Variants in EVI5L observed in about 807,000 individuals in gnomAD.
EVI5L encodes EVI5-like protein.
EVI5L carries 30 observed loss-of-function variants against 106.1 expected under a neutral mutation model. The ratio of observed to expected loss-of-function variants is 0.28; its 90% CI spans 0.21 to 0.38. The LOEUF (loss-of-function observed/expected upper bound fraction) is 0.38. Among genes scored for constraint, EVI5L ranks in the 10% least tolerant of loss-of-function variants. EVI5L has a pLI of 1.00. For synonymous variants in EVI5L, 489 were observed against 483.3 expected (o/e 1.01, Z -0.15); for missense variants, 809 against 1,098.0 (o/e 0.74, Z 3.72).
intron 10 of EVI5L, 103 bp downstream of exon 10, chr19:7,853,436 A>C (rs1979361591): frequency 1.4e-6 from 2 of 1,470,176 alleles, no homozygotes; most frequent in East Asian, 2.5e-5. Context: ...TTCCCAGCGC[A>C]CAGGCGGACC....
At chr19:7,844,768 G>A (rs764203677) in intron 1 of EVI5L, among the ~76,000 whole-genome samples, 5 of 152,182 alleles carry the variant, frequency 3.3e-5, no homozygotes, top group East Asian at 3.8e-4. Context: ...CTCAGCACCC[G>A]GCAGACTAGG....
intron 1 of EVI5L, among the ~76,000 whole-genome samples, chr19:7,843,493 A>G (rs1172323880): frequency 1.8e-5 from 2 of 111,224 alleles, no homozygotes; most frequent in African/African-American, 3.6e-5. Flanking sequence ...TCAAGTGTGC[A>G]TGTGTATAGG....
chr19:7,862,992 T>C lies in EVI5L; in HGVS notation c.1968T>C (p.Ala656=). Reference sequence around the variant, plus strand: ...CCCAGAGCAAGGAGGAGGTGATGGCTGTGCGACTGCGGGAGGCGGACAGCA... The same window carrying C: ...CCCAGAGCAAGGAGGAGGTGATGGCCGTGCGACTGCGGGAGGCGGACAGCA... ...AECKSKEEVM[A]VRLREADSMA... is the part of the protein sequence containing the mutation. The change falls in exon 18 of 20, where the codon GCT becomes GCC. Residue 656 remains alanine (A), a synonymous_variant. Transcript: ENST00000538904. 1 of 1,575,340 alleles carries C rather than the reference T, an allele frequency of 6.3e-7. No individual in the cohort carries two copies. The highest frequency in any genetic ancestry group is 1.2e-5 in the South Asian group (1 of 86,752).
chr19:7,847,957 G>A (rs767451220), intron 3 of EVI5L, 36 bp downstream of exon 3: 631 of 1,513,646 alleles, frequency 4.2e-4, no homozygotes, highest in Non-Finnish European at 5.2e-4. Context: ...CTGGGCCGAC[G>A]GCGTGGGCAG....
Position 7,836,414 on chromosome 19 carries a change from C to T in EVI5L, c.-48+6033C>T, listed in dbSNP as rs116891492. On this transcript the variant is annotated intron_variant, in intron 1 of 19. Transcript: ENST00000538904. ...CTGTTTTCACTGAGTAACCCCTGCA[C>T]TTGGGGTTTCACATACGTGTATCAT... 3.5e-4 allele frequency among the ~76,000 whole-genome samples: 53 copies of T among 152,330 alleles called. 2 individuals are homozygous for T. The Middle Eastern group carries it at 0.034, about 98-fold the overall frequency.
At chr19:7,859,351 C>T (rs10402597) in intron 13 of EVI5L, among the ~76,000 whole-genome samples, 8,747 of 152,212 alleles carry the variant, frequency 0.057, 858 homozygotes, top group African/African-American at 0.2. Context: ...GCCATCCTGG[C>T]CTGACCCAGC....
In EVI5L at chr19:7,849,247, C is replaced by G. The variant is rs749473639; in HGVS notation, c.553-9C>G. The G allele has an allele frequency of 2.5e-6, 4 of 1,614,136 alleles. No homozygotes were observed. The highest frequency in any genetic ancestry group is 4.5e-5 in the East Asian group (2 of 44,886). On this transcript the variant is annotated splice_polypyrimidine_tract_variant and intron_variant, in intron 4 of 19. Coordinates refer to ENST00000538904, the MANE Select transcript of EVI5L (RefSeq NM_001159944.3). Reference sequence around the variant, plus strand: ...CGGGACCCTGCTCTCAGGACTTGTTCCCTTCTAGGCATACTCGCTGGTAGA... The same window carrying G: ...CGGGACCCTGCTCTCAGGACTTGTTGCCTTCTAGGCATACTCGCTGGTAGA...
At chr19:7,851,407 T>G (rs751743890) in intron 6 of EVI5L, 27 bp from the exon 7 acceptor site, 1 of 1,601,038 alleles carries the variant, frequency 6.2e-7, no homozygotes, top group South Asian at 1.1e-5. Flanking sequence ...CCCCTCACTG[T>G]GCCCACCCGG....
In EVI5L at chr19:7,863,078, G is replaced by A. The variant is rs893332717; in HGVS notation, c.2043+11G>A. Reference sequence around the variant, plus strand: ...GAGCTGGAGATCCAGGTGATCGGCGGGGCCGGGGTCGGGGGGCGGGGGCGG... The same window carrying A: ...GAGCTGGAGATCCAGGTGATCGGCGAGGCCGGGGTCGGGGGGCGGGGGCGG... On this transcript the variant is annotated intron_variant, in intron 18 of 19. Transcript: ENST00000538904. The surrounding 1 kb of genome is among the most constrained non-coding windows in gnomAD (Gnocchi z 7.7). 2.7e-6 allele frequency: 4 copies of A among 1,484,794 alleles called. No homozygotes were observed. Among genetic ancestry groups the A allele is most frequent in the Admixed American group, 4.0e-5 (2 of 49,860 alleles). 92.0% of individuals were successfully genotyped at this position (1,484,794 alleles called of 1,614,324 possible).
rs1367434747 is a variant in EVI5L at position 7,856,744 on chromosome 19, G to A, written c.1201-348G>A. On this transcript the variant is annotated intron_variant, in intron 11 of 19. Transcript: ENST00000538904. The surrounding 1 kb of genome is among the most constrained non-coding windows in gnomAD (Gnocchi z 6.6). ...CCACTCTCCAGGAGGTCCGCACGAA[G>A]CCAAAAGTCCCCCTGCCCCCCACAG... 2.0e-5 allele frequency among the ~76,000 whole-genome samples: 3 copies of A among 152,072 alleles called. No homozygotes were observed. Among genetic ancestry groups the A allele is most frequent in the Admixed American group, 6.5e-5 (1 of 15,268 alleles).
chr19:7,830,800 C>T (rs1978290847), intron 1 of EVI5L, among the ~76,000 whole-genome samples: 1 of 141,002 alleles, frequency 7.1e-6, no homozygotes, highest in Non-Finnish European at 1.5e-5. Flanking sequence ...TCTCTCAGGA[C>T]CCCTCCCTTC....
intron 17 of EVI5L, 104 bp downstream of exon 17, chr19:7,862,638 ATCTGCC>A (rs1979878120): frequency 9.7e-7 from 1 of 1,030,022 alleles, no homozygotes; most frequent in African/African-American, 2.0e-5. Context: ...CTGCCTCCCG[ATCTGCC>A]CCTGCCCGCG....
At chr19:7,842,664 G>A (rs182276821) in intron 1 of EVI5L, among the ~76,000 whole-genome samples, 1 of 152,100 alleles carries the variant, frequency 6.6e-6, no homozygotes, top group African/African-American at 2.4e-5. Flanking sequence ...TATGTATCAA[G>A]TGTGTGCATG....
chr19:7,856,026 G>C lies in EVI5L; in HGVS notation c.1158G>C (p.Thr386=). ...EEQIEIKRLR[T]ENRLLKQRIE... is the part of the protein sequence containing the mutation. ...CCCCACCCCCATAGAGACTTCGGAC[G>C]GAGAACCGGCTCCTGAAACAGCGGA... is the stretch of plus-strand genomic sequence containing the variant. The change falls in exon 11 of 20, where the codon ACG becomes ACC. Residue 386 remains threonine, a synonymous_variant. Transcript: ENST00000538904. This position sits in a 1 kb window ranked among gnomAD's most constrained non-coding sequence, Gnocchi z 6.6. 7.5e-7 allele frequency: 1 copy of C among 1,328,186 alleles called. No homozygotes were observed. Among genetic ancestry groups the C allele is most frequent in the African/African-American group, 1.5e-5 (1 of 66,568 alleles). The allele number at this position is 1,328,186 out of a possible 1,614,324, so 82.3% of individuals were successfully genotyped here.
At chr19:7,860,904 C>T (rs548752683) in intron 14 of EVI5L, among the ~76,000 whole-genome samples, 3 of 152,124 alleles carry the variant, frequency 2.0e-5, no homozygotes, top group Non-Finnish European at 2.9e-5. Context: ...ATGAGCTTCC[C>T]GGATACCTGC....
chr19:7,860,482 G>A, intron 13 of EVI5L, 79 bp from the exon 14 acceptor site: 3 of 1,307,504 alleles, frequency 2.3e-6, no homozygotes, highest in Admixed American at 4.5e-5. Flanking sequence ...TGGGGAGGCG[G>A]GGAGAAGCCA....
chr19:7,847,843 G>C lies in EVI5L; in HGVS notation c.249G>C (p.Glu83Asp), dbSNP rs1206762429. The change falls in exon 3 of 20, where the codon GAG (glutamate) becomes GAC (aspartate). Residue 83 changes from glutamate (E) to aspartate (D), a missense_variant. Physicochemically the swap from Glu to Asp is conservative, Grantham distance 45. Around this residue, in one of 2 missense-constraint regions of EVI5L, gnomAD observed 357 missense variants for 588.1 expected, o/e 0.61. Transcript: ENST00000538904. ...SSASSNLSHLEEDTWILWGRI... is the reference protein window; with the variant it reads ...SSASSNLSHLDEDTWILWGRI... ...CCTCCTCCAACCTGAGCCACCTGGAGGAGGACACGTGGATCCTGTGGGGCC... is the reference window on the plus strand; with the variant it reads ...CCTCCTCCAACCTGAGCCACCTGGACGAGGACACGTGGATCCTGTGGGGCC... 4 of 1,609,274 alleles carry C rather than the reference G, an allele frequency of 2.5e-6. No individual in the cohort carries two copies. The highest frequency in any genetic ancestry group is 1.7e-5 in the Admixed American group (1 of 59,590).
chr19:7,863,751 G>C lies in EVI5L; in HGVS notation c.*49G>C. 7.0e-7 allele frequency: 1 copy of C among 1,424,688 alleles called. No homozygotes were observed. The highest frequency in any genetic ancestry group is 2.5e-4 in the Middle Eastern group (1 of 3,974). The allele number at this position is 1,424,688 out of a possible 1,614,324, so 88.3% of individuals were successfully genotyped here. A position where few individuals can be genotyped will look rare whatever the true frequency, so the allele number is the denominator to read the frequency against. ...TCAGGAGGCCGCAGCCGCGGGGGGC[G>C]CCCGGGCAGTCCGCGTTCTGCTCCC... On this transcript the variant is annotated 3_prime_UTR_variant, in exon 20 of 20. Transcript: ENST00000538904. The surrounding 1 kb of genome is among the most constrained non-coding windows in gnomAD (Gnocchi z 7.7).
At chr19:7,862,936 A>AC (rs1409038031) in intron 17 of EVI5L, 36 bp from the exon 18 acceptor site, 10 of 889,342 alleles carry the variant, frequency 1.1e-5, no homozygotes, top group Admixed American at 4.4e-5. Flanking sequence ...GCGCCCCCTG[A>AC]CCCGCCCTCC....
Sources: allele counts gnomAD v4.1 joint callset (sites outside exome capture counted in the v4.1 genomes callset), GRCh38; gene constraint gnomAD v4.1.1; regional missense constraint gnomAD v4.1.1; non-coding constraint Gnocchi (gnomAD v3.1); transcripts MANE v1.5; gene names NCBI Gene and HGNC (gene_info 2026-07-23, HGNC 2026-07-21).